Variants in SP140 observed in about 807,000 individuals in gnomAD.
SP140 encodes nuclear body protein SP140.
A neutral mutation model predicts 125.0 loss-of-function variants in SP140; 81 were observed. The observed-to-expected ratio is 0.65, with a 90% CI of 0.54 to 0.78. SP140 has a LOEUF of 0.78. Ranked by LOEUF, SP140 falls within the 30% of genes least tolerant of loss-of-function variation. The pLI, the probability that SP140 is intolerant of heterozygous loss-of-function variation, is 0.00. For missense variants in SP140, 858 were observed against 1,037.0 expected (o/e 0.83, Z 2.37); for synonymous variants, 312 against 354.0 (o/e 0.88, Z 1.33).
At chr2:230,283,918 C>G (rs2055990809) in intron 15 of SP140, among the ~76,000 whole-genome samples, 1 of 152,114 alleles carries the variant, frequency 6.6e-6, no homozygotes, top group African/African-American at 2.4e-5. Flanking sequence ...AATGAAAACT[C>G]TCCATATCAG....
rs183516827 is a variant in SP140, at chr2:230,283,189, G to C, written c.1499-1157G>C. On this transcript the variant is annotated intron_variant, in intron 15 of 26. Transcript: ENST00000392045. ...GCTGGAGTAGTGTGTTTTCCTTCTG[G>C]ACAAAGCATCCTTGGGTTCTTCTGA... 7.1e-4 allele frequency among the ~76,000 whole-genome samples: 108 copies of C among 152,236 alleles called. 1 individual carries two copies. The highest frequency in any genetic ancestry group is 4.4e-5 in the Non-Finnish European group (3 of 68,022).
intron 12 of SP140, among the ~76,000 whole-genome samples, chr2:230,268,997 G>C (rs1322654172): frequency 2.0e-5 from 3 of 152,184 alleles, no homozygotes; most frequent in African/African-American, 7.2e-5. Flanking sequence ...CTATAGAAAA[G>C]GAAACTGCAG....
intron 1 of SP140, chr2:230,212,325 T>C: frequency 6.4e-7 from 1 of 1,569,116 alleles, no homozygotes; most frequent in Non-Finnish European, 8.8e-7. Context: ...AGCTAAGCGG[T>C]ATCAGCCCCA....
At chr2:230,188,365 T>C in the SP140 span, among the ~76,000 whole-genome samples, 2 of 152,308 alleles carry the variant, frequency 1.3e-5, no homozygotes, top group African/African-American at 4.8e-5. Context: ...ACTGGATTCA[T>C]TTATCAAATC....
At chr2:230,246,079 A>T in intron 7 of SP140, 139 bp downstream of exon 7, 2 of 626,842 alleles carry the variant, frequency 3.2e-6, no homozygotes, top group Non-Finnish European at 5.8e-6. Context: ...CCATCCATCC[A>T]TATATCCATC....
At chr2:230,196,547 A>G in the SP140 span, among the ~76,000 whole-genome samples, 2 of 146,996 alleles carry the variant, frequency 1.4e-5, no homozygotes, top group African/African-American at 4.9e-5. Flanking sequence ...TTTTTTTAAA[A>G]TTTTATTATT....
At chr2:230,284,036 G>GA (rs1258682133) in intron 15 of SP140, among the ~76,000 whole-genome samples, 4 of 152,082 alleles carry the variant, frequency 2.6e-5, no homozygotes, top group Non-Finnish European at 5.9e-5. Context: ...ACAAACACTT[G>GA]AAAAAGCAAC....
At chr2:230,202,730 T>C, upstream of SP140, 4 of 1,614,160 alleles carry the variant, frequency 2.5e-6, no homozygotes, top group Non-Finnish European at 2.5e-6. Context: ...AGGCTGTCCC[T>C]GGACCAAATA....
In SP140 at chr2:230,237,035, C is replaced by T. The variant is rs766545491; in HGVS notation, c.60-48C>T. The T allele has an allele frequency of 1.1e-5, 16 of 1,467,268 alleles. No individual in the cohort carries two copies. Among genetic ancestry groups the T allele is most frequent in the Non-Finnish European group, 1.5e-5 (16 of 1,098,488 alleles). 90.9% of individuals were successfully genotyped at this position (1,467,268 alleles called of 1,614,324 possible). On this transcript the variant is annotated intron_variant, in intron 1 of 26. Transcript: ENST00000392045. The surrounding 1 kb of genome is among the most constrained non-coding windows in gnomAD (Gnocchi z 5.4). ...CTAAAATCTTCTAACCACCACAAAC[C>T]TCTTGGAAACTCAGTGTCTACTTCC...
In SP140 at chr2:230,312,663, G is replaced by A. The variant is rs11676711; in HGVS notation, c.2583G>A (p.Gln861=). Residue 861 remains glutamine (Q), a synonymous_variant, in exon 27 of 27, where the codon CAG becomes CAA. Coordinates refer to ENST00000392045, the MANE Select transcript of SP140 (RefSeq NM_007237.5). ...ATTTCAAGGAAGTGTTTGCTATTCA[G>A]GAAACAAATGGGAACAATTGACTGG... The part of the protein sequence containing the change: ...EKNFKEVFAI[Q]ETNGNN 1.2e-6 allele frequency: 2 copies of A among 1,610,930 alleles called. No individual in the cohort carries two copies. The highest frequency in any genetic ancestry group is 1.7e-6 in the Non-Finnish European group (2 of 1,177,672).
At chr2:230,287,847 C>T (rs1488893923) in intron 17 of SP140, 45 bp from the exon 18 acceptor site, 16 of 1,526,462 alleles carry the variant, frequency 1.0e-5, no homozygotes, top group Non-Finnish European at 1.4e-5. Context: ...ATGTGTAATA[C>T]AGCTGCTCAT....
chr2:230,290,942 A>G, intron 19 of SP140, among the ~76,000 whole-genome samples: 1 of 152,202 alleles, frequency 6.6e-6, no homozygotes, highest in Admixed American at 6.5e-5. Context: ...TAGGGAGATG[A>G]TCACAGAATT....
intron 10 of SP140, among the ~76,000 whole-genome samples, chr2:230,252,219 T>C (rs190177435): frequency 4.6e-5 from 7 of 151,736 alleles, no homozygotes; most frequent in African/African-American, 1.7e-4. Context: ...AGAATGTGCA[T>C]AGCAGATGTA....
chr2:230,269,170 C>T (rs1233573421), intron 12 of SP140, among the ~76,000 whole-genome samples: 5 of 152,022 alleles, frequency 3.3e-5, no homozygotes, highest in Non-Finnish European at 5.9e-5. Flanking sequence ...GTAATGGGCT[C>T]GCTTTCAGAA....
intron 23 of SP140, chr2:230,310,525 C>T (rs2149628823): frequency 9.4e-7 from 1 of 1,064,890 alleles, no homozygotes; most frequent in South Asian, 1.6e-5. Context: ...ACGGTGACAC[C>T]ACCTTCCTCA....
chr2:230,259,299 C>T (rs2051785293), intron 12 of SP140, among the ~76,000 whole-genome samples: 1 of 152,048 alleles, frequency 6.6e-6, no homozygotes. Flanking sequence ...ATTCTTACAC[C>T]TTTGCGTCCT....
At chr2:230,213,003 C>T in intron 1 of SP140, 1 of 1,614,094 alleles carries the variant, frequency 6.2e-7, no homozygotes, top group Non-Finnish European at 8.5e-7. Context: ...TGTGTCTCTG[C>T]TCTGCCATTC....
the SP140 span, among the ~76,000 whole-genome samples, chr2:230,193,191 C>G: frequency 6.6e-6 from 1 of 152,130 alleles, no homozygotes; most frequent in Non-Finnish European, 1.5e-5. Flanking sequence ...CTTTTGGTTT[C>G]CATTTGCATG....
chr2:230,212,354 A>G lies in SP140; in HGVS notation c.-322-1300A>G, dbSNP rs201655540. On this transcript the variant is annotated intron_variant, in intron 1 of 4. Transcript: ENST00000456542. ...AGCCCCAGTCAGTGTTACCTTGCAC[A>G]GTGCTAGTGAGGAGGCTGGGCATCT... The G allele has an allele frequency of 1.2e-6, 2 of 1,611,064 alleles. No individual in the cohort carries two copies. The highest frequency in any genetic ancestry group is 1.7e-6 in the Non-Finnish European group (2 of 1,177,140).
Sources: gnomAD v4.1 joint callset for allele counts (sites outside exome capture counted in the v4.1 genomes callset) on GRCh38, gnomAD v4.1.1 for gene constraint, Gnocchi (gnomAD v3.1) non-coding constraint, MANE v1.5 for transcripts, NCBI Gene and HGNC (gene_info 2026-07-23, HGNC 2026-07-21) for gene names.